Variants in PATZ1 observed in about 807,000 individuals in gnomAD.
PATZ1 encodes the protein POZ-, AT hook-, and zinc finger-containing protein 1.
A neutral mutation model predicts 46.2 loss-of-function variants in PATZ1; 9 were observed. That is an observed-to-expected ratio of 0.19 (90% CI 0.12 to 0.34). The LOEUF is 0.34. PATZ1 is among the 10% of genes least tolerant of loss of function. The pLI, the probability that PATZ1 is intolerant of heterozygous loss-of-function variation, is 1.00. For missense variants in PATZ1, 632 were observed against 923.0 expected (o/e 0.68, Z 4.08); for synonymous variants, 426 against 378.6 (o/e 1.13, Z -1.45).
intron 2 of PATZ1, chr22:31,340,715 C>A (rs375525748): frequency 1.9e-6 from 2 of 1,043,328 alleles, no homozygotes; most frequent in African/African-American, 3.3e-5. Flanking sequence ...CCTGTTCACC[C>A]CGCAGAGTCT....
chr22:31,332,403 A>G (rs1302222600), intron 3 of PATZ1, among the ~76,000 whole-genome samples: 1 of 152,248 alleles, frequency 6.6e-6, no homozygotes, highest in Non-Finnish European at 1.5e-5. Context: ...CCAAAGAGGC[A>G]GCTTGATCCA....
chr22:31,344,734 C>G lies in PATZ1; in HGVS notation c.869G>C (p.Gly290Ala), dbSNP rs1220896941. ...ACCACATAGACCGCATGGAAGGATG[C>G]CTGCCTCCCTCAGGCCCCCTGGGGA... is the stretch of plus-strand genomic sequence containing the variant. The part of the protein sequence containing the change: ...FGSPGGLREA[G>A]ILPCGLCGKV... Residue 290 changes from glycine (G) to alanine (A), a missense_variant, in exon 1 of 5, where the codon GGC becomes GCC. Gly to Ala is a moderately conservative substitution (Grantham distance 60, BLOSUM62 0). This residue lies in a region of PATZ1 where 279 missense variants were observed against 284.3 expected (regional missense o/e 0.98). Transcript: ENST00000266269. The G allele has an allele frequency of 6.2e-7, 1 of 1,610,510 alleles. No homozygotes were observed. Among genetic ancestry groups the G allele is most frequent in the South Asian group, 1.1e-5 (1 of 90,914 alleles).
In PATZ1 at chr22:31,346,126, CAAAAG is replaced by C. The variant is rs1196028371; in HGVS notation, c.-529_-525del. 6.7e-6 allele frequency: 1 copy of C among 149,602 alleles called. No homozygotes were observed. The highest frequency in any genetic ancestry group is 1.5e-5 in the Non-Finnish European group (1 of 67,062). The allele number at this position is 149,602 out of a possible 1,614,324, so 9.3% of individuals were successfully genotyped here. On this transcript the variant is annotated 5_prime_UTR_variant, in exon 1 of 5. Transcript: ENST00000266269. ...GGCGGGGGCGCCGGAGCGGAGGAAA[CAAAAG>C]GCGAAGGCGAAGGCGGCGGCGGCGG...
At chr22:31,343,477 C>A (rs2049608605) in intron 1 of PATZ1, 1 of 984,622 alleles carries the variant, frequency 1.0e-6, no homozygotes, top group African/African-American at 1.7e-5. Context: ...AGATGCCCGC[C>A]TGAGCAGGTG....
rs1601501989 is a variant in PATZ1 at position 31,346,000 on chromosome 22, G to A, written c.-398C>T. 1 of 194,944 alleles carries A rather than the reference G, an allele frequency of 5.1e-6. No individual in the cohort carries two copies. Among genetic ancestry groups the A allele is most frequent in the Admixed American group, 6.1e-5 (1 of 16,262 alleles). The allele number at this position is 194,944 out of a possible 1,614,324, so 12.1% of individuals were successfully genotyped here. A position where few individuals can be genotyped will look rare whatever the true frequency, so the allele number is the denominator to read the frequency against. Reference sequence around the variant, plus strand: ...GCCAAGAAGGGCACGCGCACGCGGGGAGGAGAAGGAGGGGTCCGCCGCGCA... The same window carrying A: ...GCCAAGAAGGGCACGCGCACGCGGGAAGGAGAAGGAGGGGTCCGCCGCGCA... On this transcript the variant is annotated 5_prime_UTR_variant, in exon 1 of 5. Coordinates refer to ENST00000266269, the MANE Select transcript of PATZ1 (RefSeq NM_014323.3). The surrounding 1 kb of genome is among the most constrained non-coding windows in gnomAD (Gnocchi z 7.4).
intron 1 of PATZ1, 38 bp from the exon 2 acceptor site, chr22:31,342,998 G>C: frequency 6.2e-7 from 1 of 1,613,050 alleles, no homozygotes; most frequent in Non-Finnish European, 8.5e-7. Context: ...TTAGAAACTT[G>C]GCCAGACCCC....
In PATZ1 at chr22:31,326,029, A is replaced by G. The variant is rs1031053165; in HGVS notation, c.*862T>C. The G allele has an allele frequency of 4.6e-6, 1 of 215,968 alleles. No individual in the cohort carries two copies. Among genetic ancestry groups the G allele is most frequent in the African/African-American group, 2.3e-5 (1 of 44,364 alleles). 13.4% of individuals were successfully genotyped at this position (215,968 alleles called of 1,614,324 possible). On this transcript the variant is annotated 3_prime_UTR_variant, in exon 5 of 5. Transcript: ENST00000266269. The stretch of plus-strand genomic sequence containing the variant: ...ACTATTTCTTCCATAGACTTCAAAC[A>G]ATCAACTAGCCAAGTTAATTATGGT...
rs992870154 is a variant in PATZ1 at position 31,326,562 on chromosome 22, G to A, written c.*329C>T. On this transcript the variant is annotated 3_prime_UTR_variant, in exon 5 of 5. Transcript: ENST00000266269. ...ATATCATAGATTTGGGTATAGGATT[G>A]GGGTCACTAAGAATTGAGCACCAGG... The A allele has an allele frequency of 4.1e-4, 133 of 326,718 alleles. No homozygotes were observed. The highest frequency in any genetic ancestry group is 2.7e-3 in the African/African-American group (128 of 47,508). The allele number at this position is 326,718 out of a possible 1,614,324, so 20.2% of individuals were successfully genotyped here. A position where few individuals can be genotyped will look rare whatever the true frequency, so the allele number is the denominator to read the frequency against.
At position 31,326,084 on chromosome 22, in the gene PATZ1, A is replaced by C. The variant is rs1367274017; in HGVS notation, c.*807T>G. 4.6e-6 allele frequency: 1 copy of C among 219,610 alleles called. No homozygotes were observed. Among genetic ancestry groups the C allele is most frequent in the Non-Finnish European group, 9.1e-6 (1 of 109,352 alleles). The allele number at this position is 219,610 out of a possible 1,614,324, so 13.6% of individuals were successfully genotyped here. On this transcript the variant is annotated 3_prime_UTR_variant, in exon 5 of 5. Transcript: ENST00000266269. The stretch of plus-strand genomic sequence containing the variant: ...CTAAACAAAGTTTAATACTAACCCT[A>C]ATGTGTGACTGCGGTTTACAAAGAG...
chr22:31,339,595 TG>T (rs974963818), intron 2 of PATZ1, among the ~76,000 whole-genome samples: 1 of 152,160 alleles, frequency 6.6e-6, no homozygotes, highest in Non-Finnish European at 1.5e-5. Flanking sequence ...GGGACGCTGA[TG>T]GGAAGAGAGT....
chr22:31,326,897 C>T lies in PATZ1; in HGVS notation c.2058G>A (p.Gly686=), dbSNP rs140642260. Reference sequence around the variant, plus strand: ...TGGGGACACAGCAGCTGCCTCATTTCCCTTCAGGCCCCATGGGCTGCTGGT... The same window carrying T: ...TGGGGACACAGCAGCTGCCTCATTTTCCTTCAGGCCCCATGGGCTGCTGGT... ...EVDQQPMGPE[G]K Residue 686 remains glycine (G), a synonymous_variant, in exon 5 of 5, where the codon GGG becomes GGA. Transcript: ENST00000266269. 1.0e-4 allele frequency: 166 copies of T among 1,608,978 alleles called. No homozygotes were observed. Among genetic ancestry groups the T allele is most frequent in the Non-Finnish European group, 1.4e-4 (164 of 1,177,028 alleles).
chr22:31,329,498 A>G (rs1046722338), intron 3 of PATZ1, among the ~76,000 whole-genome samples: 6 of 152,248 alleles, frequency 3.9e-5, no homozygotes, highest in African/African-American at 7.2e-5. Flanking sequence ...CACCTTCAGC[A>G]TAACAGGATT....
Position 31,345,447 on chromosome 22 carries a change from G to T in PATZ1, c.156C>A (p.Phe52Leu). Residue 52 changes from phenylalanine (F) to leucine (L), a missense_variant, in exon 1 of 5, where the codon TTC becomes TTA. Phe to Leu is a conservative substitution (Grantham distance 22). This residue lies in a region of PATZ1 where 19 missense variants were observed against 71.4 expected (regional missense o/e 0.27). Transcript: ENST00000266269. This position sits in a 1 kb window ranked among gnomAD's most constrained non-coding sequence, Gnocchi z 7.4. ...DVLLRVGDES[F>L]PAHRAVLAAC... ...CGGCCAGCACGGCGCGGTGCGCTGG[G>T]AAGCTCTCGTCGCCTACCCGCAAGA... 2 of 1,612,592 alleles carry T rather than the reference G, an allele frequency of 1.2e-6. No individual in the cohort carries two copies. Among genetic ancestry groups the T allele is most frequent in the Non-Finnish European group, 1.7e-6 (2 of 1,179,752 alleles).
Position 31,345,091 on chromosome 22 carries a change from T to G in PATZ1, c.512A>C (p.Asp171Ala). 1 of 1,614,174 alleles carries G rather than the reference T, an allele frequency of 6.2e-7. No homozygotes were observed. Among genetic ancestry groups the G allele is most frequent in the Non-Finnish European group, 8.5e-7 (1 of 1,180,018 alleles). The stretch of plus-strand genomic sequence containing the variant: ...CCCAGGGGGGCGAAAGAGCATTATA[T>G]CGGCGCGGGCAGGGGGTACCAGGAT... Reference protein sequence around the residue: ...VQILVPPARADIMLFRPPGTS... With the variant: ...VQILVPPARAAIMLFRPPGTS... Residue 171 changes from aspartate to alanine, a missense_variant, in exon 1 of 5, where the codon GAT becomes GCT. Coordinates refer to ENST00000266269, the MANE Select transcript of PATZ1 (RefSeq NM_014323.3). This position sits in a 1 kb window ranked among gnomAD's most constrained non-coding sequence, Gnocchi z 7.4.
chr22:31,341,711 A>AC (rs758964776), intron 2 of PATZ1: 37 of 1,577,818 alleles, frequency 2.3e-5, no homozygotes, highest in Middle Eastern at 1.7e-4. Context: ...AGTGCAGGTT[A>AC]CCCCCCCAGG....
intron 2 of PATZ1, among the ~76,000 whole-genome samples, chr22:31,339,051 A>G (rs753279456): frequency 3.9e-5 from 6 of 152,120 alleles, no homozygotes; most frequent in Non-Finnish European, 8.8e-5. Context: ...TTCTTTTGGG[A>G]TCTGTCCTCT....
Position 31,325,968 on chromosome 22 carries a change from C to T in PATZ1, c.*923G>A. On this transcript the variant is annotated 3_prime_UTR_variant, in exon 5 of 5. Transcript: ENST00000266269. ...AACAGCATTGAAACCCCCTACTTCC[C>T]TGACCAGACTGGCATTTTTTAAAAT... is the stretch of plus-strand genomic sequence containing the variant. 1 of 213,906 alleles carries T rather than the reference C, an allele frequency of 4.7e-6. No individual in the cohort carries two copies. Among genetic ancestry groups the T allele is most frequent in the Non-Finnish European group, 9.5e-6 (1 of 105,654 alleles). The allele number at this position is 213,906 out of a possible 1,614,324, so 13.3% of individuals were successfully genotyped here.
Position 31,343,375 on chromosome 22 carries a change from CGCCACGGGCA to C in PATZ1, c.1272-425_1272-416del, listed in dbSNP as rs936212771. Reference sequence around the variant, plus strand: ...AGCAATCCCCTCCCCCAGCCTCTCCCGCCACGGGCAGCCAATGAATGCCACCCGGATGGAA... The same window carrying C: ...AGCAATCCCCTCCCCCAGCCTCTCCCGCCAATGAATGCCACCCGGATGGAA... On this transcript the variant is annotated intron_variant, in intron 1 of 4. Transcript: ENST00000266269. 57 of 988,088 alleles carry C rather than the reference CGCCACGGGCA, an allele frequency of 5.8e-5. No individual in the cohort carries two copies. In the African/African-American group the frequency reaches 9.2e-4, roughly 16 times the overall value. The allele number at this position is 988,088 out of a possible 1,614,324, so 61.2% of individuals were successfully genotyped here.
chr22:31,337,705 G>C (rs972415883), intron 2 of PATZ1: 1 of 152,212 alleles, frequency 6.6e-6, no homozygotes, highest in African/African-American at 2.4e-5. Flanking sequence ...TTGTGTCACA[G>C]ATCAAATGGT....
Sources: gnomAD v4.1 joint callset for allele counts (sites outside exome capture counted in the v4.1 genomes callset) on GRCh38, gnomAD v4.1.1 for gene constraint, gnomAD v4.1.1 regional missense constraint, Gnocchi (gnomAD v3.1) non-coding constraint, MANE v1.5 for transcripts, NCBI Gene and HGNC (gene_info 2026-07-23, HGNC 2026-07-21) for gene names.